Variants in CMTM4 observed in about 807,000 individuals in gnomAD.
The protein encoded by CMTM4 is CKLF-like MARVEL transmembrane domain-containing protein 4.
Under a neutral mutation model 19.0 loss-of-function variants are expected in CMTM4, and 8 were observed. The ratio of observed to expected loss-of-function variants is 0.42; its 90% CI spans 0.25 to 0.76. The LOEUF is 0.76. Among genes scored for constraint, CMTM4 ranks in the 30% least tolerant of loss-of-function variants. The probability of loss-of-function intolerance (pLI) is 0.27; values close to 1 mark genes in which losing one functional copy is unlikely to be tolerated. For missense variants in CMTM4, 228 were observed against 290.2 expected (o/e 0.79, Z 1.56); for synonymous variants, 106 against 121.1 (o/e 0.88, Z 0.82).
At chr16:66,668,267 C>G (rs756533494) in intron 1 of CMTM4, among the ~76,000 whole-genome samples, 8 of 152,060 alleles carry the variant, frequency 5.3e-5, no homozygotes, top group Admixed American at 6.6e-5. Context: ...CCTCAGCCCC[C>G]CAGAGTGCTG....
At chr16:66,625,393 C>T (rs531092739) in intron 2 of CMTM4, among the ~76,000 whole-genome samples, 136 of 150,496 alleles carry the variant, frequency 9.0e-4, no homozygotes, top group Admixed American at 1.3e-3. Context: ...AAGACTGCGC[C>T]GCTGCACTCC....
intron 1 of CMTM4, among the ~76,000 whole-genome samples, chr16:66,669,400 G>A (rs565218873): frequency 1.3e-4 from 20 of 148,630 alleles, no homozygotes; most frequent in African/African-American, 4.7e-4. Context: ...GTGGCTACAC[G>A]AATATATGTG....
At chr16:66,625,263 C>T (rs1159679222) in intron 2 of CMTM4, among the ~76,000 whole-genome samples, 5 of 151,972 alleles carry the variant, frequency 3.3e-5, no homozygotes, top group African/African-American at 9.6e-5. Context: ...GGAAAAACCC[C>T]GTCTCTACTA....
chr16:66,616,900 CGTGATA>C lies in CMTM4; in HGVS notation c.*5152_*5157del, dbSNP rs1297074666. ...CACTGTCATCCTAAGGCAACTCAGA[CGTGATA>C]GTTTTAGACTATGATCAAATCTCAC... On this transcript the variant is annotated 3_prime_UTR_variant, in exon 4 of 4. Transcript: ENST00000394106. The C allele has an allele frequency of 1.2e-5, 2 of 164,930 alleles. No homozygotes were observed. The highest frequency in any genetic ancestry group is 4.8e-5 in the African/African-American group (2 of 41,610). The allele number at this position is 164,930 out of a possible 1,614,324, so 10.2% of individuals were successfully genotyped here.
chr16:66,669,304 C>T (rs1028990259), intron 1 of CMTM4, among the ~76,000 whole-genome samples: 3 of 151,972 alleles, frequency 2.0e-5, no homozygotes, highest in African/African-American at 4.8e-5. Flanking sequence ...GATGAGGTTG[C>T]CAAGAATTGG....
intron 2 of CMTM4, among the ~76,000 whole-genome samples, chr16:66,634,003 C>A (rs1364581096): frequency 3.3e-5 from 5 of 152,128 alleles, no homozygotes; most frequent in Non-Finnish European, 5.9e-5. Flanking sequence ...GCCACCACCA[C>A]CCAGAGGAAA....
chr16:66,622,085 G>C lies in CMTM4; in HGVS notation c.600C>G (p.Arg200=). 6.3e-7 allele frequency: 1 copy of C among 1,577,534 alleles called. No homozygotes were observed. Among genetic ancestry groups the C allele is most frequent in the Non-Finnish European group, 8.6e-7 (1 of 1,160,688 alleles). Residue 200 remains arginine, a synonymous_variant, in exon 4 of 4, where the codon CGC becomes CGG. Coordinates refer to ENST00000394106, the MANE Select transcript of CMTM4 (RefSeq NM_181521.3). This position sits in a 1 kb window ranked among gnomAD's most constrained non-coding sequence, Gnocchi z 4.0. ...ACGTGTCCAGGCGCTGGATCTCAGG[G>C]CGACTGTCCACATCCCTGGACTCCG... ...ARTESRDVDS[R]PEIQRLDT
intron 1 of CMTM4, among the ~76,000 whole-genome samples, chr16:66,639,102 C>T (rs1165384979): frequency 6.6e-6 from 1 of 152,184 alleles, no homozygotes; most frequent in African/African-American, 2.4e-5. Context: ...CTCCTAATAG[C>T]TCTTCTTATA....
downstream of CMTM4, chr16:66,610,069 A>G: frequency 6.3e-7 from 1 of 1,590,550 alleles, no homozygotes; most frequent in South Asian, 1.1e-5. This position sits in a 1 kb window ranked among gnomAD's most constrained non-coding sequence, Gnocchi z 4.6. Flanking sequence ...CGGGGATGCC[A>G]GCTAGTTTGA....
chr16:66,612,223 T>A (rs1052277877), downstream of CMTM4, among the ~76,000 whole-genome samples: 2 of 152,222 alleles, frequency 1.3e-5, no homozygotes, highest in African/African-American at 4.8e-5. The surrounding 1 kb of genome is among the most constrained non-coding windows in gnomAD (Gnocchi z 6.0). Flanking sequence ...AAGACCAGCC[T>A]GGTGAAAGCC....
chr16:66,630,808 G>A (rs2015843168), intron 2 of CMTM4, among the ~76,000 whole-genome samples: 1 of 151,724 alleles, frequency 6.6e-6, no homozygotes, highest in South Asian at 2.1e-4. Context: ...AGTCTGGAAA[G>A]TGAGGAGCAT....
At chr16:66,679,452 G>C (rs1251403592) in intron 1 of CMTM4, among the ~76,000 whole-genome samples, 1 of 152,102 alleles carries the variant, frequency 6.6e-6, no homozygotes, top group Non-Finnish European at 1.5e-5. Context: ...TGCAAAAAGG[G>C]TTCTCTTGAG....
chr16:66,675,377 C>T (rs2016792060), intron 1 of CMTM4, among the ~76,000 whole-genome samples: 2 of 151,252 alleles, frequency 1.3e-5, no homozygotes, highest in Non-Finnish European at 2.9e-5. Context: ...CCACGCCCAG[C>T]CAACAGCCAG....
At chr16:66,624,043 G>A (rs1160283888) in intron 2 of CMTM4, among the ~76,000 whole-genome samples, 4 of 152,294 alleles carry the variant, frequency 2.6e-5, no homozygotes, top group South Asian at 2.1e-4. Flanking sequence ...TGCATCCACC[G>A]TTTCACAGAT....
intron 2 of CMTM4, among the ~76,000 whole-genome samples, chr16:66,629,003 GTTTT>G: frequency 6.6e-6 from 1 of 151,778 alleles, no homozygotes; most frequent in South Asian, 2.1e-4. Flanking sequence ...AGTTTTTGGG[GTTTT>G]TTTGTTGTTT....
chr16:66,661,431 G>A (rs1030696235), intron 1 of CMTM4, among the ~76,000 whole-genome samples: 1 of 152,220 alleles, frequency 6.6e-6, no homozygotes, highest in African/African-American at 2.4e-5. Flanking sequence ...TAAGGATGAA[G>A]TAAAAGACTG....
intron 2 of CMTM4, among the ~76,000 whole-genome samples, chr16:66,625,800 G>A (rs1297950455): frequency 3.3e-5 from 5 of 152,302 alleles, no homozygotes; most frequent in Admixed American, 1.3e-4. Context: ...CTAGGACTGT[G>A]CTGTCCAATA....
the CMTM4 span, among the ~76,000 whole-genome samples, chr16:66,600,146 G>GTTTTTTTTTTTT: frequency 8.0e-6 from 1 of 125,780 alleles, no homozygotes. Context: ...GTTTTTTTTT[G>GTTTTTTTTTTTT]TTTTTTTTTT....
intron 2 of CMTM4, among the ~76,000 whole-genome samples, chr16:66,634,241 A>AGC (rs2015944272): frequency 6.6e-6 from 1 of 152,008 alleles, no homozygotes; most frequent in East Asian, 1.9e-4. Context: ...GGTGTTTGAA[A>AGC]CCAGCCTGGC....
Sources: allele counts gnomAD v4.1 joint callset (sites outside exome capture counted in the v4.1 genomes callset), GRCh38; gene constraint gnomAD v4.1.1; non-coding constraint Gnocchi (gnomAD v3.1); transcripts MANE v1.5; gene names NCBI Gene and HGNC (gene_info 2026-07-23, HGNC 2026-07-21).